ENTREP2: variants seen among roughly 807,000 people sequenced by gnomAD.
ENTREP2 encodes the protein endosomal transmembrane epsin interactor 2.
At chr15:29,587,269 T>C in the ENTREP2 span, among the ~76,000 whole-genome samples, 1 of 151,654 alleles carries the variant, frequency 6.6e-6, no homozygotes, top group Non-Finnish European at 1.5e-5. Context: ...GCCCCAACTA[T>C]GGTCCTGAAA....
At chr15:29,419,007 G>A in the ENTREP2 span, among the ~76,000 whole-genome samples, 3 of 152,294 alleles carry the variant, frequency 2.0e-5, no homozygotes, top group Admixed American at 6.5e-5. Flanking sequence ...ATTGTAATTA[G>A]GAAACACAAG....
chr15:29,477,796 C>T, the ENTREP2 span, among the ~76,000 whole-genome samples: 3 of 151,858 alleles, frequency 2.0e-5, no homozygotes, highest in East Asian at 1.9e-4. Context: ...GTGTACTTCA[C>T]GTGGGCATGA....
At chr15:29,313,705 A>G in the ENTREP2 span, among the ~76,000 whole-genome samples, 1 of 152,358 alleles carries the variant, frequency 6.6e-6, no homozygotes, top group African/African-American at 2.4e-5. Context: ...CTGCCAGCCA[A>G]TACATCTACT....
the ENTREP2 span, among the ~76,000 whole-genome samples, chr15:29,654,004 T>C: frequency 6.6e-6 from 1 of 152,228 alleles, no homozygotes; most frequent in Non-Finnish European, 1.5e-5. Flanking sequence ...TAACATGTTC[T>C]GTTCAATCAT....
chr15:29,571,238 G>T, the ENTREP2 span, among the ~76,000 whole-genome samples: 2 of 152,128 alleles, frequency 1.3e-5, no homozygotes, highest in East Asian at 3.9e-4. Flanking sequence ...AGGAGAGCGG[G>T]GGCGGCAGCG....
the ENTREP2 span, among the ~76,000 whole-genome samples, chr15:29,185,634 T>C: frequency 6.6e-6 from 1 of 152,178 alleles, no homozygotes; most frequent in Admixed American, 6.5e-5. Flanking sequence ...TGATTTCAGC[T>C]CACTGCAACC....
At chr15:29,140,308 C>T in the ENTREP2 span, among the ~76,000 whole-genome samples, 1 of 152,166 alleles carries the variant, frequency 6.6e-6, no homozygotes, top group African/African-American at 2.4e-5. Context: ...GCAGAGGAGA[C>T]GGGCAGACGC....
At chr15:29,356,292 A>ATTTTTTTTTTTTTT in the ENTREP2 span, among the ~76,000 whole-genome samples, 1 of 59,414 alleles carries the variant, frequency 1.7e-5, no homozygotes, top group Non-Finnish European at 3.2e-5. Flanking sequence ...ATATATATAT[A>ATTTTTTTTTTTTTT]TATATTTTTT....
At chr15:29,635,633 A>T in the ENTREP2 span, among the ~76,000 whole-genome samples, 6 of 152,290 alleles carry the variant, frequency 3.9e-5, no homozygotes, top group East Asian at 9.7e-4. Flanking sequence ...GGGTCCACGG[A>T]AACAGACCCC....
At chr15:29,203,493 C>T in the ENTREP2 span, among the ~76,000 whole-genome samples, 2 of 152,184 alleles carry the variant, frequency 1.3e-5, no homozygotes, top group African/African-American at 4.8e-5. Context: ...GCCATTCTAA[C>T]TGGCATGAGA....
At chr15:29,311,922 T>C in the ENTREP2 span, among the ~76,000 whole-genome samples, 1 of 152,174 alleles carries the variant, frequency 6.6e-6, no homozygotes, top group Admixed American at 6.6e-5. Context: ...TAGTCCATCC[T>C]GTTAACAGAG....
At chr15:29,191,630 C>T in the ENTREP2 span, among the ~76,000 whole-genome samples, 1 of 152,080 alleles carries the variant, frequency 6.6e-6, no homozygotes, top group East Asian at 1.9e-4. Context: ...TTACAAAAAC[C>T]GAACAGGGAT....
chr15:29,224,393 G>T, the ENTREP2 span, among the ~76,000 whole-genome samples: 1 of 152,088 alleles, frequency 6.6e-6, no homozygotes, highest in African/African-American at 2.4e-5. Flanking sequence ...AGGGAACTGC[G>T]CCGGGTTGCC....
the ENTREP2 span, among the ~76,000 whole-genome samples, chr15:29,641,677 C>G: frequency 2.0e-5 from 3 of 151,678 alleles, no homozygotes; most frequent in Admixed American, 6.6e-5. Flanking sequence ...AAAAAAAGCA[C>G]AAAAATTAGC....
chr15:29,580,853 C>T, the ENTREP2 span, among the ~76,000 whole-genome samples: 1 of 152,062 alleles, frequency 6.6e-6, no homozygotes, highest in African/African-American at 2.4e-5. Flanking sequence ...AGAATAAAAG[C>T]TATAGTAAAT....
the ENTREP2 span, among the ~76,000 whole-genome samples, chr15:29,405,481 C>T: frequency 1.4e-4 from 22 of 152,136 alleles, no homozygotes; most frequent in Non-Finnish European, 2.2e-4. Flanking sequence ...GGAGTAAGTC[C>T]CACATCTTCC....
At chr15:29,547,382 C>G in the ENTREP2 span, among the ~76,000 whole-genome samples, 1 of 152,074 alleles carries the variant, frequency 6.6e-6, no homozygotes, top group African/African-American at 2.4e-5. Context: ...GCCACCAGAC[C>G]TGGCCCACAT....
the ENTREP2 span, among the ~76,000 whole-genome samples, chr15:29,582,792 C>T: frequency 2.0e-5 from 3 of 152,078 alleles, no homozygotes; most frequent in Admixed American, 2.0e-4. Flanking sequence ...GCTGGGATTA[C>T]AGGCAGGCGC....
chr15:29,541,696 G>A, the ENTREP2 span, among the ~76,000 whole-genome samples: 3 of 152,174 alleles, frequency 2.0e-5, no homozygotes, highest in Non-Finnish European at 2.9e-5. Flanking sequence ...GCTTAAAATG[G>A]GAGGGAACAG....
Sources: gnomAD v4.1 joint callset for allele counts (sites outside exome capture counted in the v4.1 genomes callset) on GRCh38, gnomAD v4.1.1 for gene constraint, MANE v1.5 for transcripts, NCBI Gene and HGNC (gene_info 2026-07-23, HGNC 2026-07-21) for gene names.